Variants in RARA observed in about 807,000 individuals in gnomAD.
RARA encodes PML-DDX5-RARA fusion.
RARA carries 5 observed loss-of-function variants against 42.8 expected under a neutral mutation model. That is an observed-to-expected ratio of 0.12 (90% CI 0.06 to 0.25). RARA has a LOEUF of 0.25. Among genes scored for constraint, RARA ranks in the 10% least tolerant of loss-of-function variants. RARA has a pLI of 1.00. For synonymous variants in RARA, 256 were observed against 259.5 expected, an observed-to-expected ratio of 0.99 and a Z score of 0.13; for missense variants, 402 against 628.7, an observed-to-expected ratio of 0.64 and a Z score of 3.86.
intron 1 of RARA, among the ~76,000 whole-genome samples, chr17:40,324,364 T>C (rs1020474092): frequency 6.6e-6 from 1 of 152,056 alleles, no homozygotes; most frequent in Non-Finnish European, 1.5e-5. Context: ...CCCTTTCACC[T>C]ACTCGTTGCT....
intron 1 of RARA, among the ~76,000 whole-genome samples, chr17:40,313,307 G>A (rs1252659394): frequency 2.0e-5 from 3 of 152,216 alleles, no homozygotes; most frequent in Non-Finnish European, 2.9e-5. Context: ...GCTGAGGAGT[G>A]GGGAGATTAC....
In RARA at chr17:40,320,525, C is replaced by G. The variant is rs763184854; in HGVS notation, c.-362-10332C>G. On this transcript the variant is annotated intron_variant, in intron 1 of 8. Coordinates refer to ENST00000254066, the MANE Select transcript of RARA (RefSeq NM_000964.4). The surrounding 1 kb of genome is among the most constrained non-coding windows in gnomAD (Gnocchi z 4.1). ...AGACCCCAGCTAATGCGCGCCCCTT[C>G]CCCTAAACCATTTAGTCTTGGAAGC... Among the ~76,000 whole-genome samples the G allele has an allele frequency of 6.6e-6, 1 of 152,206 alleles. No individual in the cohort carries two copies. The highest frequency in any genetic ancestry group is 1.5e-5 in the Non-Finnish European group (1 of 68,026).
chr17:40,356,117 C>T lies in RARA; in HGVS notation c.1280C>T (p.Pro427Leu), dbSNP rs1176965878. 7 of 1,329,990 alleles carry T rather than the reference C, an allele frequency of 5.3e-6. No individual in the cohort carries two copies. The highest frequency in any genetic ancestry group is 5.3e-5 in the Admixed American group (2 of 38,094). 82.4% of individuals were successfully genotyped at this position (1,329,990 alleles called of 1,614,324 possible). The part of the protein sequence containing the change: ...SEGLDTLSGQ[P>L]GGGGRDGGGL... Reference sequence around the variant, plus strand: ...GGCCTGGACACTCTGAGCGGACAGCCGGGGGGTGGGGGGCGGGACGGGGGT... The same window carrying T: ...GGCCTGGACACTCTGAGCGGACAGCTGGGGGGTGGGGGGCGGGACGGGGGT... Residue 427 changes from proline to leucine, a missense_variant, in exon 9 of 9, where the codon CCG becomes CTG. Pro to Leu is a moderately conservative substitution (Grantham distance 98). Around this residue, in one of 5 missense-constraint regions of RARA, gnomAD observed 73 missense variants for 59.8 expected, o/e 1.22. Transcript: ENST00000254066.
intron 2 of RARA, chr17:40,342,438 G>A: frequency 8.3e-7 from 1 of 1,199,386 alleles, no homozygotes; most frequent in Non-Finnish European, 1.0e-6. Flanking sequence ...TGAGTTCCCG[G>A]GCCCCGCCAG....
At chr17:40,349,728 A>G (rs1470245799) in intron 3 of RARA, 56 bp from the exon 4 acceptor site, 5 of 1,603,866 alleles carry the variant, frequency 3.1e-6, no homozygotes, top group Non-Finnish European at 4.3e-6. Context: ...GACCGTAGCC[A>G]GGCACTGCTC....
At position 40,329,092 on chromosome 17, in the gene RARA, CTTA is replaced by C. The variant is rs1157974495; in HGVS notation, c.-362-1761_-362-1759del. ...CCAGTACTTGTTATTATCTGTCTTTCTTATTAGAGCTAGCCTAGTGGGTATGAA... is the reference window on the plus strand; with the variant it reads ...CCAGTACTTGTTATTATCTGTCTTTCTTAGAGCTAGCCTAGTGGGTATGAA... On this transcript the variant is annotated intron_variant, in intron 1 of 8. Transcript: ENST00000254066. Among the ~76,000 whole-genome samples, 7 of 151,578 alleles carry C rather than the reference CTTA, an allele frequency of 4.6e-5. No individual in the cohort carries two copies. The South Asian group carries it at 1.0e-3, about 22-fold the overall frequency.
rs2034219196 is a variant in RARA at position 40,345,231 on chromosome 17, C to T, written c.179-3085C>T. The T allele has an allele frequency of 6.5e-6, 1 of 153,646 alleles. No homozygotes were observed. The highest frequency in any genetic ancestry group is 2.4e-5 in the African/African-American group (1 of 41,460). 9.5% of individuals were successfully genotyped at this position (153,646 alleles called of 1,614,324 possible). A position where few individuals can be genotyped will look rare whatever the true frequency, so the allele number is the denominator to read the frequency against. ...AGTTGGGGGAGGGGGAGACGCTTAT[C>T]AGGCGGCCGCTGGGCTAGGGGCCTT... On this transcript the variant is annotated intron_variant, in intron 2 of 8. Transcript: ENST00000254066. The surrounding 1 kb of genome is among the most constrained non-coding windows in gnomAD (Gnocchi z 4.8).
chr17:40,339,790 G>A (rs2033973778), intron 2 of RARA, among the ~76,000 whole-genome samples: 1 of 152,150 alleles, frequency 6.6e-6, no homozygotes, highest in African/African-American at 2.4e-5. Context: ...ATCTTTTCCT[G>A]ACCACAAGGT....
intron 2 of RARA, chr17:40,342,610 C>A (rs2034106285): frequency 4.0e-6 from 6 of 1,482,756 alleles, no homozygotes; most frequent in Non-Finnish European, 4.5e-6. Flanking sequence ...CGTCTCCTCT[C>A]CCCCAGCTGC....
At chr17:40,321,020 T>C (rs555281334) in intron 1 of RARA, among the ~76,000 whole-genome samples, 1 of 152,172 alleles carries the variant, frequency 6.6e-6, no homozygotes, top group Non-Finnish European at 1.5e-5. Flanking sequence ...ACATTCTCTC[T>C]GACGCCTGCT....
At chr17:40,335,005 G>A (rs2143310364) in intron 2 of RARA, among the ~76,000 whole-genome samples, 1 of 152,306 alleles carries the variant, frequency 6.6e-6, no homozygotes, top group East Asian at 1.9e-4. Flanking sequence ...GAAGACTGGT[G>A]TTTACTGTGG....
chr17:40,338,938 A>G (rs1292340916), intron 2 of RARA, among the ~76,000 whole-genome samples: 1 of 152,086 alleles, frequency 6.6e-6, no homozygotes, highest in Non-Finnish European at 1.5e-5. Context: ...GAATTGCTTG[A>G]ATCCGGGAGG....
intron 1 of RARA, among the ~76,000 whole-genome samples, chr17:40,323,894 G>T (rs1567748134): frequency 6.6e-6 from 1 of 151,976 alleles, no homozygotes; most frequent in Non-Finnish European, 1.5e-5. Context: ...GATGCTGAGA[G>T]GGGGCTGGTA....
At chr17:40,343,034 C>G (rs1316207291) in intron 2 of RARA, 15 of 1,358,686 alleles carry the variant, frequency 1.1e-5, no homozygotes, top group Non-Finnish European at 1.4e-5. Flanking sequence ...CGGCCGCACC[C>G]TCCCCCCAGT....
chr17:40,322,970 A>G (rs1419162808), intron 1 of RARA: 2 of 152,154 alleles, frequency 1.3e-5, no homozygotes, highest in Admixed American at 6.5e-5. Context: ...TTCCTGTCCC[A>G]CTGTGGTTCC....
intron 2 of RARA, among the ~76,000 whole-genome samples, chr17:40,337,282 G>A (rs2033882580): frequency 6.6e-6 from 1 of 152,188 alleles, no homozygotes; most frequent in South Asian, 2.1e-4. Flanking sequence ...GGGAAGTGTG[G>A]GGGGTGGGGC....
intron 2 of RARA, among the ~76,000 whole-genome samples, chr17:40,332,974 T>C (rs1191873494): frequency 1.3e-5 from 2 of 152,258 alleles, no homozygotes; most frequent in Non-Finnish European, 2.9e-5. Context: ...AAAGGGACTG[T>C]GATTTACATT....
chr17:40,322,215 C>T (rs1299182167), intron 1 of RARA, among the ~76,000 whole-genome samples: 4 of 151,762 alleles, frequency 2.6e-5, no homozygotes, highest in African/African-American at 7.3e-5. Flanking sequence ...AAGGTGCCCT[C>T]GTCTGGGCGG....
intron 2 of RARA, chr17:40,343,095 C>T: frequency 1.3e-6 from 1 of 774,766 alleles, no homozygotes; most frequent in Non-Finnish European, 1.8e-6. Flanking sequence ...TTTGAGAGTT[C>T]CTTCTTTCAA....
Sources: gnomAD v4.1 joint callset for allele counts (sites outside exome capture counted in the v4.1 genomes callset) on GRCh38, gnomAD v4.1.1 for gene constraint, gnomAD v4.1.1 regional missense constraint, Gnocchi (gnomAD v3.1) non-coding constraint, MANE v1.5 for transcripts, NCBI Gene and HGNC (gene_info 2026-07-23, HGNC 2026-07-21) for gene names.